The following AGT variants were observed in gnomAD, a reference collection of about 807,000 sequenced individuals.
AGT encodes angiotensinogen, also known as alpha-1 antiproteinase, antitrypsin.
In AGT, 26 loss-of-function variants were observed where a neutral mutation model predicts 28.1. The ratio of observed to expected loss-of-function variants is 0.92; its 90% confidence interval spans 0.68 to 1.28. AGT has a LOEUF of 1.28. AGT is among the 50% of genes most tolerant of loss of function. The pLI is 0.00. For missense variants in AGT, 596 were observed against 592.3 expected (o/e 1.01, Z -0.06); for synonymous variants, 259 against 259.6 (o/e 1.00, Z 0.02).
chr1:230,736,455 C>T (rs1664159656), intron 1 of AGT, among the ~76,000 whole-genome samples: 1 of 152,096 alleles, frequency 6.6e-6, no homozygotes, highest in Non-Finnish European at 1.5e-5. Flanking sequence ...GGAGGCAGAG[C>T]TTGCAGTGAG....
upstream of AGT, among the ~76,000 whole-genome samples, chr1:230,717,783 G>C (rs931928501): frequency 6.6e-5 from 10 of 152,140 alleles, no homozygotes; most frequent in African/African-American, 2.4e-4. Context: ...GGCTGGAACC[G>C]GGCATTTGGA....
intron 1 of AGT, among the ~76,000 whole-genome samples, chr1:230,732,279 G>C (rs946506641): frequency 1.3e-5 from 2 of 151,962 alleles, no homozygotes; most frequent in Admixed American, 6.6e-5. Flanking sequence ...GGAATGATAC[G>C]CATGAGCCAC....
At chr1:230,721,480 A>G (rs1054165410) in intron 1 of AGT, among the ~76,000 whole-genome samples, 2 of 152,234 alleles carry the variant, frequency 1.3e-5, no homozygotes, top group Non-Finnish European at 2.9e-5. Context: ...AGAGAGTGGG[A>G]CACTGCTGTA....
At chr1:230,706,806 C>T (rs1421460452) in intron 2 of AGT, among the ~76,000 whole-genome samples, 2 of 152,182 alleles carry the variant, frequency 1.3e-5, no homozygotes, top group Non-Finnish European at 2.9e-5. Context: ...TGGTGTTTTA[C>T]ATTCTGTAGG....
At position 230,704,094 on chromosome 1, in the gene AGT, G is replaced by C. The variant is rs576040838; in HGVS notation, c.1242+99C>G. ...ACTCTCCGCTCCCTCTTGCCCTGCT[G>C]GCCCCACCCATAGCCTCCTCTGTGT... On this transcript the variant is annotated intron_variant, in intron 4 of 4. Transcript: ENST00000366667. 1.0e-4 allele frequency: 164 copies of C among 1,581,404 alleles called. 2 individuals carry two copies. The East Asian group carries it at 3.6e-3, about 35-fold the overall frequency.
Position 230,732,850 on chromosome 1 carries a change from T to C in AGT, c.-31+12665A>G, listed in dbSNP as rs1385900580. Among the ~76,000 whole-genome samples, 6 of 152,286 alleles carry C rather than the reference T, an allele frequency of 3.9e-5. No individual in the cohort carries two copies. In the East Asian group the frequency reaches 5.8e-4, roughly 15 times the overall value. The stretch of plus-strand genomic sequence containing the variant: ...CAGAGGTGGAAGAAAATCCAAGAAG[T>C]GGCCCCACATAGTTCAGATCTGTGT... On this transcript the variant is annotated intron_variant, in intron 1 of 4. Transcript: ENST00000681269.
At chr1:230,720,705 C>T (rs145503781) in intron 1 of AGT, among the ~76,000 whole-genome samples, 1 of 152,208 alleles carries the variant, frequency 6.6e-6, no homozygotes, top group African/African-American at 2.4e-5. Flanking sequence ...GTCATGCCCA[C>T]CTTTGAGTAG....
chr1:230,708,220 GCTT>G (rs1364177009), intron 2 of AGT, among the ~76,000 whole-genome samples: 2 of 152,198 alleles, frequency 1.3e-5, no homozygotes, highest in African/African-American at 4.8e-5. Flanking sequence ...GATGTGGTTG[GCTT>G]TTTTATTCTT....
intron 3 of AGT, among the ~76,000 whole-genome samples, chr1:230,705,476 C>T (rs1017912585): frequency 1.3e-5 from 2 of 152,024 alleles, no homozygotes; most frequent in African/African-American, 4.8e-5. Context: ...CCAGCAAGGG[C>T]GTTCTGGAGT....
chr1:230,719,419 T>TATTATTATG (rs373330851), upstream of AGT, among the ~76,000 whole-genome samples: 2,835 of 94,614 alleles, frequency 0.03, 66 homozygotes, highest in African/African-American at 0.082. Flanking sequence ...TTTTTTTTTT[T>TATTATTATG]TTTTTTGAGA....
At chr1:230,724,819 T>C (rs901973189) in intron 1 of AGT, among the ~76,000 whole-genome samples, 17 of 152,102 alleles carry the variant, frequency 1.1e-4, no homozygotes, top group African/African-American at 3.9e-4. Context: ...GAGTAAGACA[T>C]TGTCACAAAC....
chr1:230,743,478 C>A (rs1271469953), intron 1 of AGT, among the ~76,000 whole-genome samples: 1 of 152,234 alleles, frequency 6.6e-6, no homozygotes, highest in Non-Finnish European at 1.5e-5. Flanking sequence ...TGCCTTCACT[C>A]TGGTTACATC....
intron 1 of AGT, among the ~76,000 whole-genome samples, chr1:230,739,528 G>A (rs952649872): frequency 2.0e-5 from 3 of 152,006 alleles, no homozygotes; most frequent in East Asian, 1.9e-4. Flanking sequence ...TCTGAGGTTC[G>A]GCAAGCACAG....
chr1:230,739,545 C>A (rs1664210501), intron 1 of AGT, among the ~76,000 whole-genome samples: 1 of 151,976 alleles, frequency 6.6e-6, no homozygotes, highest in African/African-American at 2.4e-5. Flanking sequence ...ACAGAGAAAC[C>A]AGGTGGAGGG....
chr1:230,728,448 C>A (rs1224370211), intron 1 of AGT, among the ~76,000 whole-genome samples: 1 of 151,958 alleles, frequency 6.6e-6, no homozygotes, highest in African/African-American at 2.4e-5. Flanking sequence ...TGACCCATGC[C>A]CCAAAATGAC....
intron 1 of AGT, among the ~76,000 whole-genome samples, chr1:230,720,942 G>GC (rs1054271690): frequency 6.6e-6 from 1 of 152,176 alleles, no homozygotes; most frequent in African/African-American, 2.4e-5. Flanking sequence ...TTCATTCTGG[G>GC]CGTGGGACAA....
Position 230,710,556 on chromosome 1 carries a change from C to T in AGT, c.268G>A (p.Asp90Asn). The T allele has an allele frequency of 6.2e-7, 1 of 1,614,274 alleles. No homozygotes were observed. Among genetic ancestry groups the T allele is most frequent in the African/African-American group, 1.3e-5 (1 of 75,082 alleles). Residue 90 changes from aspartate (D) to asparagine (N), a missense_variant, in exon 2 of 5, where the codon GAC becomes AAC. Coordinates refer to ENST00000366667, the MANE Select transcript of AGT (RefSeq NM_001384479.1). ...CCGACCATTGCGGCCCTCAACTTGT[C>T]TTCGGTGTCAAGTTTTGCAGCGACT... Reference protein sequence around the residue: ...VLVAAKLDTEDKLRAAMVGML... With the variant: ...VLVAAKLDTENKLRAAMVGML...
At chr1:230,718,194 C>T (rs1663776817), upstream of AGT, among the ~76,000 whole-genome samples, 3 of 152,126 alleles carry the variant, frequency 2.0e-5, no homozygotes, top group East Asian at 1.9e-4. Context: ...ATCCTCCTAC[C>T]TCAACTTCCC....
At chr1:230,742,094 T>C (rs538382434) in intron 1 of AGT, among the ~76,000 whole-genome samples, 7 of 151,972 alleles carry the variant, frequency 4.6e-5, no homozygotes, top group Non-Finnish European at 5.9e-5. Context: ...GGTAAATCTA[T>C]AGGGTTAAAG....
Sources: gnomAD v4.1 joint callset for allele counts (sites outside exome capture counted in the v4.1 genomes callset) on GRCh38, gnomAD v4.1.1 for gene constraint, MANE v1.5 for transcripts, NCBI Gene and HGNC (gene_info 2026-07-23, HGNC 2026-07-21) for gene names.